The following STOX2 variants were observed in gnomAD, a reference collection of about 807,000 sequenced individuals.
STOX2 encodes the protein storkhead box 2.
STOX2 carries 28 observed loss-of-function variants against 60.9 expected under a neutral mutation model. The observed-to-expected ratio is 0.46, with a 90% CI of 0.34 to 0.63. The LOEUF (loss-of-function observed/expected upper bound fraction) is 0.63. STOX2 is among the 30% of genes least tolerant of loss of function. STOX2 has a pLI of 0.01. For synonymous variants in STOX2, 472 were observed against 463.9 expected, an observed-to-expected ratio of 1.02 and a Z score of -0.22; for missense variants, 1,024 against 1,187.7, an observed-to-expected ratio of 0.86 and a Z score of 2.03.
intron 1 of STOX2, among the ~76,000 whole-genome samples, chr4:183,850,524 T>TTTAAGACC (rs1315540977): frequency 6.6e-6 from 1 of 150,836 alleles, no homozygotes; most frequent in Admixed American, 6.6e-5. Flanking sequence ...AGGTCAGGAG[T>TTTAAGACC]TTAAGACCAG....
chr4:183,963,778 CTT>C (rs374409401), intron 1 of STOX2, among the ~76,000 whole-genome samples: 13 of 112,096 alleles, frequency 1.2e-4, no homozygotes, highest in Non-Finnish European at 9.8e-5. Flanking sequence ...TACTGGCTTT[CTT>C]TTTTTTTTTT....
At chr4:183,835,046 C>T (rs1330158386) in intron 1 of STOX2, among the ~76,000 whole-genome samples, 1 of 151,738 alleles carries the variant, frequency 6.6e-6, no homozygotes. Context: ...AACATAGTGT[C>T]TTGAAGGAGA....
At chr4:183,889,536 C>G (rs1741159491) in intron 1 of STOX2, among the ~76,000 whole-genome samples, 1 of 152,234 alleles carries the variant, frequency 6.6e-6, no homozygotes, top group Non-Finnish European at 1.5e-5. Context: ...TACAGCAGCC[C>G]TTGCAAACCT....
Position 183,874,964 on chromosome 4 carries a change from T to A in STOX2, c.364+76909T>A, listed in dbSNP as rs1453678854. Among the ~76,000 whole-genome samples, 125 of 76,878 alleles carry A rather than the reference T, an allele frequency of 1.6e-3. 1 individual carries two copies. Among genetic ancestry groups the A allele is most frequent in the African/African-American group, 4.8e-3 (77 of 16,000 alleles). The allele number at this position is 76,878 out of a possible 152,430, so 50.4% of individuals were successfully genotyped here. A position where few individuals can be genotyped will look rare whatever the true frequency, so the allele number is the denominator to read the frequency against. On this transcript the variant is annotated intron_variant, in intron 1 of 2. Coordinates refer to the STOX2 transcript ENST00000513034. ...AAAAAAAAAAAAAAATATATATATA[T>A]ATATATATATATATATATATATATA...
At chr4:183,917,190 T>C (rs1320676834) in intron 1 of STOX2, among the ~76,000 whole-genome samples, 2 of 152,204 alleles carry the variant, frequency 1.3e-5, no homozygotes, top group Non-Finnish European at 2.9e-5. Flanking sequence ...ACTCTGTATT[T>C]CACATCTTTC....
Position 184,010,070 on chromosome 4 carries a change from G to A in STOX2, c.1232G>A (p.Cys411Tyr). ...CTTACCAGGGTGCCCAGGGAGGGCT[G>A]CTTCATCATTGAACACAAAGGAGAT... is the stretch of plus-strand genomic sequence containing the variant. ...DPLTRVPREG[C>Y]FIIEHKGDNF... The change falls in exon 3 of 4, where the codon TGC becomes TAC. Residue 411 changes from cysteine to tyrosine, a missense_variant. Cys to Tyr is a radical substitution (Grantham distance 194, BLOSUM62 -2). Transcript: ENST00000308497. The surrounding 1 kb of genome is among the most constrained non-coding windows in gnomAD (Gnocchi z 4.5). The A allele has an allele frequency of 6.2e-7, 1 of 1,612,214 alleles. No homozygotes were observed. Among genetic ancestry groups the A allele is most frequent in the Non-Finnish European group, 8.5e-7 (1 of 1,179,106 alleles).
chr4:184,016,192 C>G (rs1734366860), intron 3 of STOX2: 1 of 152,130 alleles, frequency 6.6e-6, no homozygotes, highest in South Asian at 2.1e-4. Flanking sequence ...GAAACCCAGT[C>G]TCTACTAAAA....
At position 184,021,806 on chromosome 4, in the gene STOX2, T is replaced by A. The variant is rs962528210; in HGVS notation, c.*4522T>A. The A allele has an allele frequency of 1.3e-5, 2 of 152,240 alleles. No homozygotes were observed. Among genetic ancestry groups the A allele is most frequent in the African/African-American group, 4.8e-5 (2 of 41,442 alleles). The allele number at this position is 152,240 out of a possible 1,614,324, so 9.4% of individuals were successfully genotyped here. ...AGCTGATCCAGTTCTAAGTGTCTTCTCGAATTAGGAGATAGATGATCTTTG... is the reference window on the plus strand; with the variant it reads ...AGCTGATCCAGTTCTAAGTGTCTTCACGAATTAGGAGATAGATGATCTTTG... On this transcript the variant is annotated 3_prime_UTR_variant, in exon 4 of 4. Transcript: ENST00000308497.
intron 1 of STOX2, among the ~76,000 whole-genome samples, chr4:183,846,632 T>G (rs1739996870): frequency 1.3e-5 from 2 of 152,176 alleles, no homozygotes. Flanking sequence ...TTTATTGATA[T>G]TCTCTATTTT....
intron 1 of STOX2, among the ~76,000 whole-genome samples, chr4:183,965,641 T>C (rs1743544008): frequency 6.6e-6 from 1 of 151,930 alleles, no homozygotes; most frequent in Non-Finnish European, 1.5e-5. Flanking sequence ...TCATTAGGGG[T>C]TTATCATTGG....
At chr4:183,971,481 A>G (rs10020386) in intron 1 of STOX2, among the ~76,000 whole-genome samples, 70,285 of 152,008 alleles carry the variant, frequency 0.46, 17,164 homozygotes, top group African/African-American at 0.62. Context: ...GGTGGACTTG[A>G]GGAAAGAGAG....
At chr4:183,964,895 T>G (rs1484806632) in intron 1 of STOX2, among the ~76,000 whole-genome samples, 1 of 151,920 alleles carries the variant, frequency 6.6e-6, no homozygotes, top group Non-Finnish European at 1.5e-5. Flanking sequence ...AATTGGTGAG[T>G]TTTTACATTG....
intron 1 of STOX2, among the ~76,000 whole-genome samples, chr4:183,858,319 G>T (rs1385432321): frequency 6.6e-6 from 1 of 152,024 alleles, no homozygotes; most frequent in Non-Finnish European, 1.5e-5. Flanking sequence ...CGCCCTGTGC[G>T]GGCTGCAAGC....
At chr4:183,955,208 A>T (rs1463379068) in intron 1 of STOX2, among the ~76,000 whole-genome samples, 2 of 152,212 alleles carry the variant, frequency 1.3e-5, no homozygotes, top group Non-Finnish European at 2.9e-5. Context: ...TTCCGCATGT[A>T]CAAGAACTTA....
chr4:183,804,613 G>A (rs1375430324), intron 1 of STOX2, among the ~76,000 whole-genome samples: 4 of 152,172 alleles, frequency 2.6e-5, no homozygotes, highest in Admixed American at 1.3e-4. Context: ...TTTAAGAAGC[G>A]GGCCTGGCTC....
In STOX2 at chr4:183,969,966, G is replaced by A. The variant is rs544444248; in HGVS notation, c.167-31359G>A. ...GTTAAATTTACATATCTTGTGTTGG[G>A]GAAACTATTGATTTAGGACCACAGA... is the stretch of plus-strand genomic sequence containing the variant. On this transcript the variant is annotated intron_variant, in intron 1 of 3. Coordinates refer to ENST00000308497, the MANE Select transcript of STOX2 (RefSeq NM_020225.3). Among the ~76,000 whole-genome samples, 6 of 152,204 alleles carry A rather than the reference G, an allele frequency of 3.9e-5. No individual in the cohort carries two copies. In the East Asian group the frequency reaches 1.2e-3, roughly 29 times the overall value.
chr4:183,871,052 G>T (rs1264263539), intron 1 of STOX2, among the ~76,000 whole-genome samples: 1 of 152,162 alleles, frequency 6.6e-6, no homozygotes, highest in Non-Finnish European at 1.5e-5. Flanking sequence ...TTCTTAGATG[G>T]CCTTATTTGC....
At chr4:183,863,031 G>A (rs896979636) in intron 1 of STOX2, among the ~76,000 whole-genome samples, 3 of 152,154 alleles carry the variant, frequency 2.0e-5, no homozygotes, top group African/African-American at 4.8e-5. Flanking sequence ...TCATGTCATC[G>A]TAGTTCAGGA....
upstream of STOX2, among the ~76,000 whole-genome samples, chr4:183,901,285 A>G (rs1741453126): frequency 6.6e-6 from 1 of 152,168 alleles, no homozygotes; most frequent in South Asian, 2.1e-4. Context: ...ATATGTATAT[A>G]TTGCATTTTG....
Sources: allele counts gnomAD v4.1 joint callset (sites outside exome capture counted in the v4.1 genomes callset), GRCh38; gene constraint gnomAD v4.1.1; non-coding constraint Gnocchi (gnomAD v3.1); transcripts MANE v1.5; gene names NCBI Gene and HGNC (gene_info 2026-07-23, HGNC 2026-07-21).